EGFR: variants seen among roughly 807,000 people sequenced by gnomAD.
EGFR encodes the protein avian erythroblastic leukemia viral (v-erb-b) oncogene homolog.
In EGFR, 58 loss-of-function variants were observed where a neutral mutation model predicts 143.0. That is an observed-to-expected ratio of 0.41 (90% CI 0.33 to 0.50). The LOEUF is 0.50. EGFR is among the 20% of genes least tolerant of loss of function. EGFR has a pLI of 0.39. For synonymous variants in EGFR, 613 were observed against 594.4 expected (o/e 1.03, Z -0.45); for missense variants, 1,307 against 1,579.0 (o/e 0.83, Z 2.92).
intron 1 of EGFR, among the ~76,000 whole-genome samples, chr7:55,122,813 C>T (rs1056250310): frequency 1.3e-5 from 2 of 152,260 alleles, no homozygotes; most frequent in African/African-American, 4.8e-5. Flanking sequence ...TCCAGCATGT[C>T]TCATGAGTAT....
At chr7:55,107,937 C>G (rs1032337498) in intron 1 of EGFR, among the ~76,000 whole-genome samples, 3 of 152,212 alleles carry the variant, frequency 2.0e-5, no homozygotes, top group Non-Finnish European at 4.4e-5. Context: ...AAACACAGAA[C>G]AGCTCATGAA....
intron 1 of EGFR, among the ~76,000 whole-genome samples, chr7:55,083,594 A>G (rs1312889612): frequency 3.3e-5 from 5 of 152,258 alleles, no homozygotes; most frequent in African/African-American, 7.2e-5. Flanking sequence ...CACTGTGCGC[A>G]TGTGTGTACA....
chr7:55,203,638 T>TACAC (rs753309143), intron 27 of EGFR, among the ~76,000 whole-genome samples: 5 of 93,712 alleles, frequency 5.3e-5, no homozygotes, highest in Non-Finnish European at 1.1e-4. Context: ...ACACCACACA[T>TACAC]ACACACACAC....
chr7:55,071,553 T>C (rs1421732157), intron 1 of EGFR, among the ~76,000 whole-genome samples: 2 of 152,246 alleles, frequency 1.3e-5, no homozygotes, highest in Non-Finnish European at 2.9e-5. Context: ...ACTGGCAGAA[T>C]TGTGATCCAT....
intron 1 of EGFR, among the ~76,000 whole-genome samples, chr7:55,053,493 A>C (rs1371304796): frequency 6.6e-6 from 1 of 152,234 alleles, no homozygotes; most frequent in East Asian, 1.9e-4. Context: ...TAGATTTTCT[A>C]AGTTGGCTAG....
At position 55,205,469 on chromosome 7, in the gene EGFR, G is replaced by A. The variant is rs41321844; in HGVS notation, c.3485G>A (p.Ser1162Asn). ...CCTGCCCACTGGGCCCAGAAAGGCAGCCACCAAATTAGCCTGGACAACCCT... is the reference window on the plus strand; with the variant it reads ...CCTGCCCACTGGGCCCAGAAAGGCAACCACCAAATTAGCCTGGACAACCCT... ...DSPAHWAQKGSHQISLDNPDY... is the reference protein window; with the variant it reads ...DSPAHWAQKGNHQISLDNPDY... The change falls in exon 28 of 28, where the codon AGC becomes AAC. Residue 1162 changes from serine to asparagine, a missense_variant. Transcript: ENST00000275493. 1,033 of 1,614,152 alleles carry A rather than the reference G, an allele frequency of 6.4e-4. 6 individuals are homozygous for A. The African/African-American group carries it at 0.012, about 19-fold the overall frequency.
intron 3 of EGFR, 28 bp from the exon 4 acceptor site, chr7:55,146,578 T>C: frequency 6.2e-7 from 1 of 1,613,446 alleles, no homozygotes; most frequent in African/African-American, 1.3e-5. Context: ...CTGGAAAGAG[T>C]GCTCACCGCA....
chr7:55,035,954 C>T (rs1035118034), intron 1 of EGFR, among the ~76,000 whole-genome samples: 1 of 151,674 alleles, frequency 6.6e-6, no homozygotes, highest in Non-Finnish European at 1.5e-5. Flanking sequence ...ACATCATTAT[C>T]TAATATTAAC....
chr7:55,096,963 C>CA lies in EGFR; in HGVS notation c.89-45323_89-45322insA, dbSNP rs1791513213. 2.6e-5 allele frequency among the ~76,000 whole-genome samples: 4 copies of CA among 152,252 alleles called. No individual in the cohort carries two copies. The South Asian group carries it at 8.3e-4, about 32-fold the overall frequency. ...AAAGTGCTGTCCGTTCCTTACCCCC[C>CA]CAGCTCCTCACCTGTCCTCCACACG... On this transcript the variant is annotated intron_variant, in intron 1 of 27. Transcript: ENST00000275493.
At chr7:55,162,889 C>G (rs1785777982) in intron 13 of EGFR, among the ~76,000 whole-genome samples, 2 of 152,176 alleles carry the variant, frequency 1.3e-5, no homozygotes, top group African/African-American at 4.8e-5. Flanking sequence ...CCCCTGAGTT[C>G]AGGTGATTCT....
intron 1 of EGFR, among the ~76,000 whole-genome samples, chr7:55,087,273 T>TAAA (rs373915835): frequency 0.19 from 19,598 of 100,846 alleles, 2,600 homozygotes; most frequent in East Asian, 0.71. Flanking sequence ...TCTCAATTGT[T>TAAA]AAAAAAAAAA....
At chr7:55,115,284 T>C (rs1406137543) in intron 1 of EGFR, among the ~76,000 whole-genome samples, 2 of 152,224 alleles carry the variant, frequency 1.3e-5, no homozygotes, top group Admixed American at 1.3e-4. Flanking sequence ...TTATAGTTTA[T>C]AAAAGTGAGA....
intron 1 of EGFR, among the ~76,000 whole-genome samples, chr7:55,070,512 G>C (rs1789755981): frequency 6.6e-6 from 1 of 152,220 alleles, no homozygotes; most frequent in Non-Finnish European, 1.5e-5. Flanking sequence ...TAAATGCATA[G>C]ATACATACAA....
At chr7:55,185,729 C>A (rs1466852681) in intron 20 of EGFR, among the ~76,000 whole-genome samples, 1 of 152,190 alleles carries the variant, frequency 6.6e-6, no homozygotes, top group Non-Finnish European at 1.5e-5. Flanking sequence ...GCCTGGTGAA[C>A]AACGCACGGT....
chr7:55,071,587 A>C (rs1237927728), intron 1 of EGFR, among the ~76,000 whole-genome samples: 1 of 152,236 alleles, frequency 6.6e-6, no homozygotes, highest in Non-Finnish European at 1.5e-5. Context: ...CAATGTCATC[A>C]TCCCTTTCAG....
At chr7:55,143,217 C>G (rs1794564926) in intron 2 of EGFR, 88 bp from the exon 3 acceptor site, 1 of 1,412,190 alleles carries the variant, frequency 7.1e-7, no homozygotes, top group Admixed American at 1.7e-5. Context: ...TTCAACTGGG[C>G]GTCCTAGGGC....
chr7:55,082,148 G>A (rs1790499739), intron 1 of EGFR, among the ~76,000 whole-genome samples: 1 of 152,206 alleles, frequency 6.6e-6, no homozygotes, highest in African/African-American at 2.4e-5. Flanking sequence ...TAGTGGATCA[G>A]TGATCAAACC....
chr7:55,094,841 A>G (rs1373179392), intron 1 of EGFR, among the ~76,000 whole-genome samples: 1 of 152,224 alleles, frequency 6.6e-6, no homozygotes, highest in Non-Finnish European at 1.5e-5. Context: ...CAGGTAAAAC[A>G]AATATTTCTT....
At position 55,211,017 on chromosome 7, in the gene EGFR, C is replaced by T. The variant is rs1788224560; in HGVS notation, c.*5400C>T. On this transcript the variant is annotated 3_prime_UTR_variant, in exon 28 of 28. Transcript: ENST00000275493. ...TTTAAGAAACATTTGTTATACATTC[C>T]TCACAAATTATACCTGGGATAAAAA... 6.6e-6 allele frequency: 1 copy of T among 152,104 alleles called. No homozygotes were observed. Among genetic ancestry groups the T allele is most frequent in the Admixed American group, 6.6e-5 (1 of 15,258 alleles). The allele number at this position is 152,104 out of a possible 1,614,324, so 9.4% of individuals were successfully genotyped here.
Sources: gnomAD v4.1 joint callset for allele counts (sites outside exome capture counted in the v4.1 genomes callset) on GRCh38, gnomAD v4.1.1 for gene constraint, MANE v1.5 for transcripts, NCBI Gene and HGNC (gene_info 2026-07-23, HGNC 2026-07-21) for gene names.